Variants in ASIC2 observed in about 807,000 individuals in gnomAD.
The protein encoded by ASIC2 is acid sensing ion channel subunit 2, also known as acid-sensing ion channel 2.
A neutral mutation model predicts 57.3 loss-of-function variants in ASIC2; 25 were observed. That is an observed-to-expected ratio of 0.44 (90% CI 0.32 to 0.61). The LOEUF (loss-of-function observed/expected upper bound fraction) is 0.61, where lower values mean the gene tolerates loss of function less well. ASIC2 is among the 20% of genes least tolerant of loss of function. ASIC2 has a pLI of 0.06. For synonymous variants in ASIC2, 319 were observed against 307.5 expected, an observed-to-expected ratio of 1.04 and a Z score of -0.39; for missense variants, 641 against 738.1, an observed-to-expected ratio of 0.87 and a Z score of 1.52.
chr17:33,548,713 T>C (rs1423299074), intron 1 of ASIC2, among the ~76,000 whole-genome samples: 1 of 152,078 alleles, frequency 6.6e-6, no homozygotes, highest in Non-Finnish European at 1.5e-5. Context: ...CACTCAACTG[T>C]TTTTCCAAGA....
chr17:33,710,424 C>T (rs1405861149), intron 1 of ASIC2, among the ~76,000 whole-genome samples: 20 of 152,124 alleles, frequency 1.3e-4, no homozygotes, highest in Admixed American at 7.2e-4. Context: ...GAAACAGGTC[C>T]GGAAATCCAC....
chr17:33,307,701 T>A (rs907078245), intron 1 of ASIC2, among the ~76,000 whole-genome samples: 1 of 152,224 alleles, frequency 6.6e-6, no homozygotes, highest in African/African-American at 2.4e-5. Context: ...CCTTCTTTTC[T>A]TTTCCATTGC....
chr17:33,158,235 C>T lies in ASIC2; in HGVS notation c.709-46168G>A, dbSNP rs1040390600. 1.4e-4 allele frequency among the ~76,000 whole-genome samples: 21 copies of T among 152,150 alleles called. 1 individual carries two copies. The highest frequency in any genetic ancestry group is 5.1e-4 in the African/African-American group (21 of 41,410). ...TGGCTCACTGCTCCATCCCAGGTGC[C>T]TTGTACAATGCCTAGCGCATAGGAG... On this transcript the variant is annotated intron_variant, in intron 1 of 9. Coordinates refer to ENST00000225823, the MANE Select transcript of ASIC2 (RefSeq NM_183377.2).
intron 1 of ASIC2, chr17:33,565,695 G>A (rs1322660962): frequency 6.6e-6 from 1 of 152,214 alleles, no homozygotes; most frequent in Non-Finnish European, 1.5e-5. Flanking sequence ...ACCAATTCTG[G>A]CCAATGAGAG....
At chr17:33,797,830 G>A (rs1163970957) in intron 1 of ASIC2, among the ~76,000 whole-genome samples, 5 of 152,182 alleles carry the variant, frequency 3.3e-5, no homozygotes, top group Non-Finnish European at 7.3e-5. Context: ...AGCAGGGAAG[G>A]AGGTGGGGTT....
At chr17:33,116,414 T>C (rs2092281262) in intron 1 of ASIC2, among the ~76,000 whole-genome samples, 1 of 152,194 alleles carries the variant, frequency 6.6e-6, no homozygotes, top group Non-Finnish European at 1.5e-5. Context: ...ATATAATTTA[T>C]TTAAGTCCAG....
rs187678653 is a variant in ASIC2, at chr17:33,082,800, G to A, written c.987+6063C>T. Among the ~76,000 whole-genome samples the A allele has an allele frequency of 2.8e-4, 43 of 152,258 alleles. No homozygotes were observed. The Middle Eastern group carries it at 0.014, about 48-fold the overall frequency. ...GTGATGTCAACGTTGAAGACAGCTT[G>A]GTGCTGTCCCCATACCGCATGAATA... is the stretch of plus-strand genomic sequence containing the variant. On this transcript the variant is annotated intron_variant, in intron 3 of 9. Transcript: ENST00000225823.
At chr17:33,212,822 A>T (rs949478536) in intron 1 of ASIC2, among the ~76,000 whole-genome samples, 3 of 152,186 alleles carry the variant, frequency 2.0e-5, no homozygotes, top group Non-Finnish European at 4.4e-5. Flanking sequence ...TAATTAGGAC[A>T]AGCATTCCTT....
At chr17:33,846,353 C>T (rs557133168) in intron 1 of ASIC2, among the ~76,000 whole-genome samples, 3 of 152,254 alleles carry the variant, frequency 2.0e-5, no homozygotes, top group African/African-American at 7.2e-5. Context: ...GGCCAATAGC[C>T]ACTTGCTTCA....
chr17:33,077,108 T>A (rs1443037191), intron 3 of ASIC2, among the ~76,000 whole-genome samples: 1 of 152,022 alleles, frequency 6.6e-6, no homozygotes, highest in East Asian at 1.9e-4. Flanking sequence ...GCTTCTTTGC[T>A]GAGATGCAGC....
intron 1 of ASIC2, among the ~76,000 whole-genome samples, chr17:33,514,742 T>C (rs1359435420): frequency 2.0e-5 from 3 of 152,228 alleles, no homozygotes; most frequent in Non-Finnish European, 4.4e-5. Flanking sequence ...AAAGATCACG[T>C]GGTCTTGGAA....
chr17:34,028,588 C>G (rs145179830), intron 1 of ASIC2, among the ~76,000 whole-genome samples: 3 of 152,128 alleles, frequency 2.0e-5, no homozygotes, highest in African/African-American at 7.2e-5. Context: ...TTACATACTC[C>G]GCTAGGATCA....
chr17:33,315,143 T>A (rs922874583), intron 1 of ASIC2, among the ~76,000 whole-genome samples: 2 of 152,238 alleles, frequency 1.3e-5, no homozygotes, highest in African/African-American at 4.8e-5. Context: ...ACAAACTACC[T>A]TGCATATTAG....
chr17:33,276,217 TA>T (rs1347560001), intron 1 of ASIC2, among the ~76,000 whole-genome samples: 1 of 133,428 alleles, frequency 7.5e-6, no homozygotes, highest in Non-Finnish European at 1.7e-5. Flanking sequence ...TGTCAATCAC[TA>T]AATAATAATA....
intron 1 of ASIC2, among the ~76,000 whole-genome samples, chr17:33,675,016 A>G (rs1271894463): frequency 3.3e-5 from 5 of 152,224 alleles, no homozygotes; most frequent in Non-Finnish European, 1.5e-5. Flanking sequence ...AAAGGTGGGC[A>G]CTTTGCAAGA....
At chr17:33,775,429 A>C (rs1001859698) in intron 1 of ASIC2, among the ~76,000 whole-genome samples, 1 of 152,240 alleles carries the variant, frequency 6.6e-6, no homozygotes, top group African/African-American at 2.4e-5. Flanking sequence ...ATTAACATGA[A>C]GTATTTCTTG....
At chr17:33,069,096 T>C (rs894228047) in intron 3 of ASIC2, among the ~76,000 whole-genome samples, 4 of 152,234 alleles carry the variant, frequency 2.6e-5, no homozygotes, top group African/African-American at 9.6e-5. Context: ...CTTTCATCCA[T>C]GGATTATTTA....
chr17:33,953,129 G>A (rs1486410507), intron 1 of ASIC2, among the ~76,000 whole-genome samples: 5 of 151,800 alleles, frequency 3.3e-5, no homozygotes, highest in Non-Finnish European at 5.9e-5. Flanking sequence ...TACATACAAT[G>A]CATTTAAAAT....
At chr17:33,040,967 G>T (rs933019560) in intron 3 of ASIC2, among the ~76,000 whole-genome samples, 3 of 152,140 alleles carry the variant, frequency 2.0e-5, no homozygotes, top group African/African-American at 7.2e-5. Context: ...TTAATTCCTA[G>T]GATGCGTCAG....
Sources: gnomAD v4.1 joint callset for allele counts (sites outside exome capture counted in the v4.1 genomes callset) on GRCh38, gnomAD v4.1.1 for gene constraint, MANE v1.5 for transcripts, NCBI Gene and HGNC (gene_info 2026-07-23, HGNC 2026-07-21) for gene names.